The following POLQ variants were observed in gnomAD, a reference collection of about 807,000 sequenced individuals.
The protein encoded by POLQ is epididymis secretory sperm binding protein.
A neutral mutation model predicts 259.2 loss-of-function variants in POLQ; 233 were observed. The ratio of observed to expected loss-of-function variants is 0.90; its 90% CI spans 0.81 to 1.00. The LOEUF (loss-of-function observed/expected upper bound fraction) is 1.00. Among genes scored for constraint, POLQ ranks in the 50% least tolerant of loss-of-function variants. POLQ has a pLI of 0.00. For missense variants in POLQ, 2,871 were observed against 3,051.6 expected, an observed-to-expected ratio of 0.94 and a Z score of 1.39; for synonymous variants, 1,025 against 1,048.8, an observed-to-expected ratio of 0.98 and a Z score of 0.44.
intron 21 of POLQ, among the ~76,000 whole-genome samples, 189 bp from the exon 22 acceptor site, chr3:121,472,353 T>C (rs576164547): frequency 6.6e-6 from 1 of 152,316 alleles, no homozygotes; most frequent in East Asian, 1.9e-4. Flanking sequence ...AAAATGGAAA[T>C]GTGGTAATAC....
intron 17 of POLQ, 129 bp downstream of exon 17, chr3:121,484,911 CA>C (rs41554312): frequency 2.7e-4 from 198 of 742,532 alleles, no homozygotes; most frequent in South Asian, 3.9e-4. Context: ...AAAAAACAAA[CA>C]AAAAAAAATT....
intron 5 of POLQ, 28 bp from the exon 6 acceptor site, chr3:121,533,237 T>A: frequency 7.1e-7 from 1 of 1,418,216 alleles, no homozygotes; most frequent in Non-Finnish European, 9.7e-7. Context: ...AAAAGAACAT[T>A]AAAAGATATA....
At chr3:121,432,588 C>A (rs535551306) in intron 29 of POLQ, among the ~76,000 whole-genome samples, 171 bp from the exon 30 acceptor site, 1 of 152,256 alleles carries the variant, frequency 6.6e-6, no homozygotes, top group South Asian at 2.1e-4. Context: ...AAAAAGACAT[C>A]TCATACTCTT....
intron 15 of POLQ, 49 bp downstream of exon 15, chr3:121,493,429 C>T (rs763340861): frequency 3.0e-6 from 4 of 1,320,630 alleles, no homozygotes; most frequent in Admixed American, 5.1e-5. Context: ...TTAAAATTGA[C>T]ATTTTTTTTT....
At chr3:121,449,778 A>G (rs891490852) in intron 25 of POLQ, among the ~76,000 whole-genome samples, 2 of 152,194 alleles carry the variant, frequency 1.3e-5, no homozygotes, top group Non-Finnish European at 2.9e-5. Flanking sequence ...AGTGCCTAGG[A>G]GTCAGGGAAG....
chr3:121,457,873 T>C (rs1164319515), intron 25 of POLQ, among the ~76,000 whole-genome samples: 2 of 152,152 alleles, frequency 1.3e-5, no homozygotes, highest in Non-Finnish European at 1.5e-5. Context: ...GACCCAGCCA[T>C]CCCATTACTG....
At chr3:121,544,147 C>T (rs2048511436) in intron 2 of POLQ, among the ~76,000 whole-genome samples, 1 of 151,922 alleles carries the variant, frequency 6.6e-6, no homozygotes. Flanking sequence ...TTGTCAGAAG[C>T]TCAAGACCAG....
chr3:121,538,528 C>T (rs1166227279), intron 4 of POLQ, among the ~76,000 whole-genome samples: 2 of 150,286 alleles, frequency 1.3e-5, no homozygotes, highest in African/African-American at 4.9e-5. Flanking sequence ...TATCAATAAG[C>T]TGTCTCCAAA....
intron 12 of POLQ, among the ~76,000 whole-genome samples, chr3:121,500,278 C>CAA (rs1187939050): frequency 0.045 from 2,346 of 52,574 alleles, 97 homozygotes; most frequent in African/African-American, 0.13. Flanking sequence ...GAATATGTCT[C>CAA]AAAAAAAAAA....
At position 121,489,296 on chromosome 3, in the gene POLQ, T is replaced by C. The variant is rs1485755093; in HGVS notation, c.3635A>G (p.Asn1212Ser). 2.5e-5 allele frequency: 41 copies of C among 1,613,690 alleles called. No individual in the cohort carries two copies. The highest frequency in any genetic ancestry group is 3.1e-5 in the Non-Finnish European group (37 of 1,179,846). ...ACAGGGCATTTGTCTCTCTATTATA[T>C]TTTTCTGTTTGGTAATAGTGCTTGT... is the stretch of plus-strand genomic sequence containing the variant. ...EQTSTITKQK[N>S]IIERQMPCEA... is the part of the protein sequence containing the mutation. Residue 1212 changes from asparagine to serine, a missense_variant, in exon 16 of 30, where the codon AAT (asparagine) becomes AGT (serine). Physicochemically the swap from Asn to Ser is conservative, Grantham distance 46 (BLOSUM62 1). Transcript: ENST00000264233.
rs775536867 is a variant in POLQ at position 121,489,477 on chromosome 3, T to C, written c.3454A>G (p.Ser1152Gly). 2 of 1,614,000 alleles carry C rather than the reference T, an allele frequency of 1.2e-6. No individual in the cohort carries two copies. The highest frequency in any genetic ancestry group is 2.2e-5 in the South Asian group (2 of 91,058). ...QSKNVTCQAT[S>G]VVSEKGRGVA... Reference sequence around the variant, plus strand: ...CCTCTGCCCTTTTCACTAACCACACTAGTGGCCTGACAAGTCACATTTTTA... The same window carrying C: ...CCTCTGCCCTTTTCACTAACCACACCAGTGGCCTGACAAGTCACATTTTTA... The change falls in exon 16 of 30, where the codon AGT (serine) becomes GGT (glycine). Residue 1152 changes from serine (S) to glycine (G), a missense_variant. Transcript: ENST00000264233.
At chr3:121,443,198 T>C (rs555328749) in intron 26 of POLQ, among the ~76,000 whole-genome samples, 7 of 152,346 alleles carry the variant, frequency 4.6e-5, no homozygotes, top group African/African-American at 1.7e-4. Flanking sequence ...TCCACAGTAG[T>C]TGTACTAATT....
At position 121,545,927 on chromosome 3, in the gene POLQ, C is replaced by T; in HGVS notation, c.-50G>A. On this transcript the variant is annotated 5_prime_UTR_variant, in exon 1 of 30. Transcript: ENST00000264233. ...GGCAAGCCACAGTCCCAGCGTCCTC[C>T]CTCTCGGGAGAACCCTGGCCTGGCA... 1.2e-6 allele frequency: 2 copies of T among 1,606,106 alleles called. No individual in the cohort carries two copies. The highest frequency in any genetic ancestry group is 1.7e-6 in the Non-Finnish European group (2 of 1,175,934).
intron 7 of POLQ, among the ~76,000 whole-genome samples, chr3:121,523,257 C>T (rs762610905): frequency 6.6e-6 from 1 of 151,974 alleles, no homozygotes; most frequent in Non-Finnish European, 1.5e-5. Context: ...TGGGCTTAAG[C>T]AATCCTCCCA....
intron 2 of POLQ, among the ~76,000 whole-genome samples, chr3:121,543,621 A>G (rs1230879620): frequency 6.6e-6 from 1 of 152,212 alleles, no homozygotes; most frequent in African/African-American, 2.4e-5. Context: ...GCATCTTACC[A>G]AATGATTAGA....
At chr3:121,435,118 C>A (rs545145078) in intron 28 of POLQ, among the ~76,000 whole-genome samples, 1 of 152,116 alleles carries the variant, frequency 6.6e-6, no homozygotes. Context: ...GAGCTGAGAT[C>A]GTGCCACTGC....
chr3:121,514,947 A>G (rs1483448832), intron 9 of POLQ, among the ~76,000 whole-genome samples: 1 of 152,218 alleles, frequency 6.6e-6, no homozygotes, highest in Non-Finnish European at 1.5e-5. Context: ...TGCATTCTGG[A>G]AAGAAGCAGG....
chr3:121,462,024 AC>A (rs975923646), intron 24 of POLQ, among the ~76,000 whole-genome samples: 3 of 152,164 alleles, frequency 2.0e-5, no homozygotes, highest in Non-Finnish European at 2.9e-5. Context: ...AAAATCCAAA[AC>A]TTTTGAGCAC....
At position 121,498,608 on chromosome 3, in the gene POLQ, C is replaced by CT. The variant is rs768008424; in HGVS notation, c.2021dup (p.Lys675GlufsTer16). On this transcript the variant is annotated frameshift_variant, in exon 13 of 30. Transcript: ENST00000264233. LOFTEE classifies it high-confidence loss of function. ...CCCTTTTCATTGAAGTTGGCAACTT[C>CT]TCCCATAAACAGAAAAATCGATACC... 90 of 1,613,830 alleles carry CT rather than the reference C, an allele frequency of 5.6e-5. No homozygotes were observed. Among genetic ancestry groups the CT allele is most frequent in the Non-Finnish European group, 6.7e-5 (79 of 1,179,828 alleles).
Sources: gnomAD v4.1 joint callset for allele counts (sites outside exome capture counted in the v4.1 genomes callset) on GRCh38, gnomAD v4.1.1 for gene constraint, MANE v1.5 for transcripts, NCBI Gene and HGNC (gene_info 2026-07-23, HGNC 2026-07-21) for gene names.